The following ABCG5 variants were observed in gnomAD, a reference collection of about 807,000 sequenced individuals.
The protein encoded by ABCG5 is ATP binding cassette subfamily G member 5.
Under a neutral mutation model 64.5 loss-of-function variants are expected in ABCG5, and 64 were observed. The ratio of observed to expected loss-of-function variants is 0.99; its 90% confidence interval spans 0.81 to 1.22. The LOEUF (loss-of-function observed/expected upper bound fraction) is 1.22. Among genes scored for constraint, ABCG5 ranks in the 50% most tolerant of loss-of-function variants. ABCG5 has a pLI of 0.00. For missense variants in ABCG5, 908 were observed against 829.5 expected (o/e 1.09, Z -1.16); for synonymous variants, 385 against 326.3 (o/e 1.18, Z -1.94).
At chr2:43,839,162 G>C, upstream of ABCG5, 1 of 1,545,042 alleles carries the variant, frequency 6.5e-7, no homozygotes. Flanking sequence ...GGGCGGGTAG[G>C]AGAAATCAAA....
At chr2:43,839,028 C>T, upstream of ABCG5, 5 of 1,550,012 alleles carry the variant, frequency 3.2e-6, no homozygotes, top group Non-Finnish European at 4.4e-6. Context: ...AGAGCTGCAG[C>T]CCAGGGTCAC....
At chr2:43,815,929 G>C (rs1178915450) in intron 11 of ABCG5, among the ~76,000 whole-genome samples, 2 of 129,488 alleles carry the variant, frequency 1.5e-5, no homozygotes, top group African/African-American at 3.3e-5. Context: ...AAAAAAAAAG[G>C]ACCAGACTAC....
the ABCG5 span, among the ~76,000 whole-genome samples, chr2:43,806,812 C>A: frequency 8.3e-4 from 127 of 152,200 alleles, no homozygotes; most frequent in African/African-American, 2.8e-3. Context: ...GGAAGGCAGC[C>A]CCACAGTACC....
chr2:43,831,305 T>C (rs879931221), intron 4 of ABCG5, among the ~76,000 whole-genome samples: 2 of 152,092 alleles, frequency 1.3e-5, no homozygotes, highest in Non-Finnish European at 2.9e-5. Context: ...CCTTAGCAGC[T>C]GGGAGTGCAG....
downstream of ABCG5, chr2:43,809,966 G>A: frequency 7.8e-7 from 1 of 1,280,616 alleles, no homozygotes; most frequent in Non-Finnish European, 1.0e-6. Context: ...AGAACCACGT[G>A]TAATTTTTTT....
At chr2:43,833,146 C>T (rs1045137908) in intron 2 of ABCG5, among the ~76,000 whole-genome samples, 1 of 151,974 alleles carries the variant, frequency 6.6e-6, no homozygotes, top group African/African-American at 2.4e-5. Flanking sequence ...AGGACAAGAA[C>T]CTGATGGCCC....
chr2:43,836,179 G>T (rs560393271), intron 2 of ABCG5, among the ~76,000 whole-genome samples: 1 of 152,070 alleles, frequency 6.6e-6, no homozygotes, highest in South Asian at 2.1e-4. Flanking sequence ...GACCTCAAGT[G>T]ATCCGCCCGC....
rs769024148 is a variant in ABCG5 at position 43,832,092 on chromosome 2, C to T, written c.266-9G>A. 3 of 1,574,124 alleles carry T rather than the reference C, an allele frequency of 1.9e-6. No individual in the cohort carries two copies. Among genetic ancestry groups the T allele is most frequent in the Non-Finnish European group, 2.6e-6 (3 of 1,160,358 alleles). On this transcript the variant is annotated splice_polypyrimidine_tract_variant and intron_variant, in intron 2 of 12. Transcript: ENST00000405322. ...CGTGGTTTTCCCGGAGCCTGCGGGG[C>T]GACAACAGAAGGCCCTAGAGGAACC...
chr2:43,807,742 GCA>G (rs1491093836), downstream of ABCG5, among the ~76,000 whole-genome samples: 1 of 4,514 alleles, frequency 2.2e-4, no homozygotes, highest in African/African-American at 9.0e-4. Flanking sequence ...TTTTGTTAAA[GCA>G]AAAAAAAAAA....
Position 43,838,042 on chromosome 2 carries a change from C to T in ABCG5, c.144-87G>A, listed in dbSNP as rs549478673. 1.3e-6 allele frequency: 2 copies of T among 1,576,214 alleles called. No homozygotes were observed. The highest frequency in any genetic ancestry group is 3.4e-5 in the Admixed American group (2 of 58,642). On this transcript the variant is annotated intron_variant, in intron 1 of 12. Coordinates refer to ENST00000405322, the MANE Select transcript of ABCG5 (RefSeq NM_022436.3). This position sits in a 1 kb window ranked among gnomAD's most constrained non-coding sequence, Gnocchi z 4.2. ...GTCCCCAGCATTGATCCTACCTGTGCCCCACCCCAGTAGTCTCCGGACAGG... is the reference window on the plus strand; with the variant it reads ...GTCCCCAGCATTGATCCTACCTGTGTCCCACCCCAGTAGTCTCCGGACAGG...
chr2:43,808,293 T>C (rs961276728), downstream of ABCG5, among the ~76,000 whole-genome samples: 1 of 151,862 alleles, frequency 6.6e-6, no homozygotes, highest in East Asian at 1.9e-4. Flanking sequence ...GGAAAAATTC[T>C]TCCTAAGTCT....
chr2:43,825,583 T>C (rs1198031666), intron 6 of ABCG5, among the ~76,000 whole-genome samples: 2 of 151,906 alleles, frequency 1.3e-5, no homozygotes, highest in Non-Finnish European at 2.9e-5. Flanking sequence ...TGATCTTGGC[T>C]TAATTTGTTG....
the ABCG5 span, among the ~76,000 whole-genome samples, chr2:43,806,338 C>T: frequency 3.9e-5 from 6 of 152,246 alleles, no homozygotes; most frequent in African/African-American, 1.2e-4. Flanking sequence ...CACGTTGTTG[C>T]GAGGGTAACC....
chr2:43,829,881 G>A (rs1667858393), intron 4 of ABCG5, among the ~76,000 whole-genome samples: 1 of 152,174 alleles, frequency 6.6e-6, no homozygotes, highest in South Asian at 2.1e-4. Context: ...ATGTAGCTTT[G>A]ACCCACCCAA....
rs545176980 is a variant in ABCG5, at chr2:43,825,010, G to A, written c.783C>T (p.Asp261=). The A allele has an allele frequency of 1.9e-6, 3 of 1,613,776 alleles. No homozygotes were observed. Among genetic ancestry groups the A allele is most frequent in the Middle Eastern group, 1.7e-4 (1 of 6,058 alleles). The change falls in exon 7 of 13, where the codon GAC becomes GAT. Residue 261 remains aspartate (D), a synonymous_variant. Transcript: ENST00000405322. ...QPRSELFQLF[D]KIAILSFGEL... The stretch of plus-strand genomic sequence containing the variant: ...CTCCGAAGCTCAGGATGGCAATTTT[G>A]TCAAAGAGCTGACCAGACAACAGAC...
At chr2:43,822,642 T>A (rs986802102) in intron 10 of ABCG5, 155 bp downstream of exon 10, 1 of 982,888 alleles carries the variant, frequency 1.0e-6, no homozygotes, top group African/African-American at 1.7e-5. Flanking sequence ...ATAAAATTAA[T>A]GTCCTGGAAG....
rs1465141713 is a variant in ABCG5 at position 43,823,899 on chromosome 2, A to C, written c.1324+14T>G. 1.9e-6 allele frequency: 3 copies of C among 1,613,002 alleles called. No individual in the cohort carries two copies. Among genetic ancestry groups the C allele is most frequent in the Non-Finnish European group, 2.5e-6 (3 of 1,179,128 alleles). On this transcript the variant is annotated intron_variant, in intron 9 of 12. Transcript: ENST00000405322. ...AGGGAGAAAGAGGTGCACCTCCAGC[A>C]CGTGGGCACTTACACAGATTCACAG...
chr2:43,824,005 A>G lies in ABCG5; in HGVS notation c.1232T>C (p.Val411Ala), dbSNP rs1197869696. 1 of 1,614,204 alleles carries G rather than the reference A, an allele frequency of 6.2e-7. No homozygotes were observed. The highest frequency in any genetic ancestry group is 1.1e-5 in the South Asian group (1 of 91,084). The stretch of plus-strand genomic sequence containing the variant: ...GCGGTCCTGGATAGCACCCTTTAGC[A>G]CATTGCTTCGGACCCGCAGAACGAA... ...LFFVLRVRSN[V>A]LKGAIQDRVG... Residue 411 changes from valine (V) to alanine (A), a missense_variant, in exon 9 of 13, where the codon GTG (valine) becomes GCG (alanine). Val to Ala is a moderately conservative substitution (Grantham distance 64). Coordinates refer to ENST00000405322, the MANE Select transcript of ABCG5 (RefSeq NM_022436.3).
chr2:43,832,911 G>C (rs1668038782), intron 2 of ABCG5, among the ~76,000 whole-genome samples: 1 of 152,150 alleles, frequency 6.6e-6, no homozygotes, highest in Non-Finnish European at 1.5e-5. Context: ...TCAGGTTCAA[G>C]CCATTCTCCT....
Sources: allele counts gnomAD v4.1 joint callset (sites outside exome capture counted in the v4.1 genomes callset), GRCh38; gene constraint gnomAD v4.1.1; non-coding constraint Gnocchi (gnomAD v3.1); transcripts MANE v1.5; gene names NCBI Gene and HGNC (gene_info 2026-07-23, HGNC 2026-07-21).